Variants in SMURF2 observed in about 807,000 individuals in gnomAD.
SMURF2 encodes E3 ubiquitin-protein ligase SMURF2.
In SMURF2, 48 loss-of-function variants were observed where a neutral mutation model predicts 109.6. The ratio of observed to expected loss-of-function variants is 0.44; its 90% confidence interval spans 0.35 to 0.56. The LOEUF (loss-of-function observed/expected upper bound fraction) is 0.56. Among genes scored for constraint, SMURF2 ranks in the 20% least tolerant of loss-of-function variants. SMURF2 has a pLI of 0.01. For synonymous variants in SMURF2, 288 were observed against 317.1 expected, an observed-to-expected ratio of 0.91 and a Z score of 0.97; for missense variants, 575 against 909.0, an observed-to-expected ratio of 0.63 and a Z score of 4.72.
chr17:64,654,438 T>C (rs965962321), intron 1 of SMURF2, among the ~76,000 whole-genome samples: 1 of 152,250 alleles, frequency 6.6e-6, no homozygotes, highest in African/African-American at 2.4e-5. Flanking sequence ...TTTCTCACTT[T>C]GTTCAACTAC....
Position 64,653,313 on chromosome 17 carries a change from T to C in SMURF2, c.52+8516A>G, listed in dbSNP as rs113125059. ...AAAATGTGCTTAAAACTGTAGGTTA[T>C]TAAGGAAGTAAAAATTAAAGTACCA... On this transcript the variant is annotated intron_variant, in intron 1 of 18. Coordinates refer to ENST00000262435, the MANE Select transcript of SMURF2 (RefSeq NM_022739.4). Among the ~76,000 whole-genome samples, 737 of 152,190 alleles carry C rather than the reference T, an allele frequency of 4.8e-3. 3 individuals carry two copies. The highest frequency in any genetic ancestry group is 8.2e-3 in the Non-Finnish European group (560 of 68,016).
intron 5 of SMURF2, 102 bp downstream of exon 5, chr17:64,590,982 A>G: frequency 1.4e-6 from 1 of 727,072 alleles, no homozygotes. Flanking sequence ...AATTCAGGCC[A>G]ACACAATGAA....
rs1969575300 is a variant in SMURF2 at position 64,581,251 on chromosome 17, T to A, written c.570-260A>T. Among the ~76,000 whole-genome samples, 1 of 152,216 alleles carries A rather than the reference T, an allele frequency of 6.6e-6. No individual in the cohort carries two copies. Among genetic ancestry groups the A allele is most frequent in the Non-Finnish European group, 1.5e-5 (1 of 68,042 alleles). ...ACATTTGATATAAAATCCATACGTA[T>A]CTGTGGATGTGAGACTGGCTTACAA... is the stretch of plus-strand genomic sequence containing the variant. On this transcript the variant is annotated intron_variant, in intron 7 of 18. Coordinates refer to ENST00000262435, the MANE Select transcript of SMURF2 (RefSeq NM_022739.4). This position sits in a 1 kb window ranked among gnomAD's most constrained non-coding sequence, Gnocchi z 4.3.
At chr17:64,612,234 G>C (rs1555689657) in intron 1 of SMURF2, among the ~76,000 whole-genome samples, 3 of 152,010 alleles carry the variant, frequency 2.0e-5, no homozygotes. Context: ...CCTGCACCAA[G>C]CACACATTAC....
chr17:64,621,055 G>C (rs1255526853), intron 1 of SMURF2, among the ~76,000 whole-genome samples: 2 of 152,262 alleles, frequency 1.3e-5, no homozygotes, highest in African/African-American at 2.4e-5. Context: ...CAATAGAAAA[G>C]TATATTGTCC....
At chr17:64,593,702 T>C (rs2144656712) in intron 3 of SMURF2, 129 bp from the exon 4 acceptor site, 1 of 675,680 alleles carries the variant, frequency 1.5e-6, no homozygotes. Flanking sequence ...ATGCAAAATA[T>C]GTCTTGAGTT....
chr17:64,597,310 G>A (rs1969832087), intron 3 of SMURF2, among the ~76,000 whole-genome samples: 1 of 152,134 alleles, frequency 6.6e-6, no homozygotes, highest in Admixed American at 6.6e-5. Context: ...CTACTGAGGA[G>A]GGTGAGGTGG....
chr17:64,593,057 A>T (rs1969771166), intron 4 of SMURF2: 3 of 152,342 alleles, frequency 2.0e-5, no homozygotes, highest in African/African-American at 7.2e-5. Flanking sequence ...AAACCAGAAA[A>T]GGATACTAAG....
At chr17:64,661,260 A>T (rs531031864) in intron 1 of SMURF2, among the ~76,000 whole-genome samples, 78 of 152,046 alleles carry the variant, frequency 5.1e-4, no homozygotes, top group Non-Finnish European at 8.1e-4. Flanking sequence ...CTGTCTCCTC[A>T]CCTCAGAGAC....
intron 1 of SMURF2, among the ~76,000 whole-genome samples, chr17:64,612,984 A>G (rs1283822688): frequency 1.3e-5 from 2 of 152,230 alleles, no homozygotes; most frequent in Non-Finnish European, 2.9e-5. Context: ...TGCTGGATCT[A>G]AGCAGTTCCA....
At chr17:64,604,696 A>C (rs1032225158) in intron 2 of SMURF2, among the ~76,000 whole-genome samples, 2 of 152,160 alleles carry the variant, frequency 1.3e-5, no homozygotes, top group Non-Finnish European at 2.9e-5. Context: ...CTATAATCCC[A>C]GCACTGTGGG....
At chr17:64,577,538 G>T (rs1315394993) in intron 9 of SMURF2, among the ~76,000 whole-genome samples, 3 of 145,896 alleles carry the variant, frequency 2.1e-5, no homozygotes, top group African/African-American at 7.7e-5. Flanking sequence ...ATATACCCTA[G>T]AACTTAAAGT....
At chr17:64,577,850 C>T (rs894524230) in intron 9 of SMURF2, among the ~76,000 whole-genome samples, 15 of 152,076 alleles carry the variant, frequency 9.9e-5, no homozygotes. Flanking sequence ...ATGCCTCAGC[C>T]TCCCAAAGTG....
intron 12 of SMURF2, among the ~76,000 whole-genome samples, chr17:64,559,697 G>C (rs1969183668): frequency 6.6e-6 from 1 of 151,742 alleles, no homozygotes; most frequent in Non-Finnish European, 1.5e-5. Flanking sequence ...CTTGAGGCCA[G>C]GAGTTTGAGA....
At chr17:64,661,757 C>A in intron 1 of SMURF2, 72 bp downstream of exon 1, 1 of 1,127,866 alleles carries the variant, frequency 8.9e-7, no homozygotes, top group South Asian at 4.4e-5. Context: ...TGGCCCTTCC[C>A]AAGGCCACAG....
chr17:64,637,129 ATTTT>A (rs546886359), intron 1 of SMURF2, among the ~76,000 whole-genome samples: 2 of 143,862 alleles, frequency 1.4e-5, no homozygotes, highest in Admixed American at 7.0e-5. Flanking sequence ...TATCTAAGAG[ATTTT>A]TTTTTTTTTT....
Position 64,571,738 on chromosome 17 carries a change from C to T in SMURF2, c.1016+60G>A, listed in dbSNP as rs1322609418. On this transcript the variant is annotated intron_variant, in intron 10 of 18. Coordinates refer to ENST00000262435, the MANE Select transcript of SMURF2 (RefSeq NM_022739.4). ...CGAGACTCACATTTATTATTAAAAG[C>T]ATCTATGCGTTTCATCATGTTTAAC... 5.4e-6 allele frequency: 8 copies of T among 1,483,630 alleles called. No homozygotes were observed. In the East Asian group the frequency reaches 1.4e-4, roughly 26 times the overall value. 91.9% of individuals were successfully genotyped at this position (1,483,630 alleles called of 1,614,324 possible).
chr17:64,647,284 A>G (rs1555693048), intron 1 of SMURF2, among the ~76,000 whole-genome samples: 1 of 152,172 alleles, frequency 6.6e-6, no homozygotes, highest in African/African-American at 2.4e-5. Flanking sequence ...TGAAAAAAAA[A>G]GAAAAAAAAA....
At chr17:64,577,626 T>C (rs150009824) in intron 9 of SMURF2, among the ~76,000 whole-genome samples, 1,881 of 149,624 alleles carry the variant, frequency 0.013, 43 homozygotes, top group African/African-American at 0.043. Flanking sequence ...AATGGGGTCT[T>C]GCTCTGTCAT....
Sources: allele counts gnomAD v4.1 joint callset (sites outside exome capture counted in the v4.1 genomes callset), GRCh38; gene constraint gnomAD v4.1.1; non-coding constraint Gnocchi (gnomAD v3.1); transcripts MANE v1.5; gene names NCBI Gene and HGNC (gene_info 2026-07-23, HGNC 2026-07-21).